NSD1: variants seen among roughly 807,000 people sequenced by gnomAD.
NSD1 encodes the protein histone-lysine N-methyltransferase, H3 lysine-36 specific.
Under a neutral mutation model 242.7 loss-of-function variants are expected in NSD1, and 26 were observed. The ratio of observed to expected loss-of-function variants is 0.11; its 90% CI spans 0.08 to 0.15. The LOEUF (loss-of-function observed/expected upper bound fraction) is 0.15. NSD1 is among the 10% of genes least tolerant of loss of function. The pLI, the probability that NSD1 is intolerant of heterozygous loss-of-function variation, is 1.00. For missense variants in NSD1, 2,495 were observed against 3,272.8 expected (o/e 0.76, Z 5.80); for synonymous variants, 1,106 against 1,178.1 (o/e 0.94, Z 1.25).
Position 177,238,312 on chromosome 5 carries a change from A to G in NSD1, c.3997A>G (p.Asn1333Asp), listed in dbSNP as rs1765612663. Residue 1333 changes from asparagine to aspartate, a missense_variant, in exon 7 of 23, where the codon AAT (asparagine) becomes GAT (aspartate). This residue lies in a region of NSD1 where 100 missense variants were observed against 190.7 expected (regional missense o/e 0.52). Coordinates refer to ENST00000439151, the MANE Select transcript of NSD1 (RefSeq NM_022455.5). This position sits in a 1 kb window ranked among gnomAD's most constrained non-coding sequence, Gnocchi z 4.6. ...SSAQNKQVDE[N>D]SLISTKEEPP... is the part of the protein sequence containing the mutation. ...TGCTCAGAACAAGCAGGTGGACGAG[A>G]ATTCTTTGATTTCAACCAAAGAAGA... The G allele has an allele frequency of 1.9e-6, 3 of 1,614,106 alleles. No homozygotes were observed. The highest frequency in any genetic ancestry group is 2.5e-6 in the Non-Finnish European group (3 of 1,180,020).
At chr5:177,256,423 C>T (rs567910166) in intron 12 of NSD1, among the ~76,000 whole-genome samples, 18 of 152,080 alleles carry the variant, frequency 1.2e-4, no homozygotes, top group Admixed American at 1.0e-3. Flanking sequence ...GCTGGGACCA[C>T]AGGCATGCAT....
Position 177,204,310 on chromosome 5 carries a change from C to T in NSD1, c.1236+18C>T, listed in dbSNP as rs748352756. 25 of 1,609,006 alleles carry T rather than the reference C, an allele frequency of 1.6e-5. No individual in the cohort carries two copies. Among genetic ancestry groups the T allele is most frequent in the East Asian group, 2.2e-5 (1 of 44,850 alleles). On this transcript the variant is annotated intron_variant, in intron 4 of 22. Coordinates refer to ENST00000439151, the MANE Select transcript of NSD1 (RefSeq NM_022455.5). ...GGCATAAGGTAGGAAACGAAAAAGG[C>T]TTTTTATTGAGTGACAGAAGCAAGT...
intron 2 of NSD1, chr5:177,136,893 C>T (rs1443808131): frequency 1.4e-6 from 1 of 700,058 alleles, no homozygotes; most frequent in Non-Finnish European, 2.6e-6. Flanking sequence ...TGTCATGTTG[C>T]CCAGGCTGGC....
chr5:177,188,539 A>G (rs1423545781), intron 2 of NSD1, among the ~76,000 whole-genome samples: 2 of 152,210 alleles, frequency 1.3e-5, no homozygotes, highest in East Asian at 3.8e-4. Flanking sequence ...TGTGTTTCTC[A>G]ATGGCCTTGT....
intron 14 of NSD1, chr5:177,264,911 A>C (rs1349593794): frequency 1.6e-5 from 13 of 802,016 alleles, no homozygotes; most frequent in Non-Finnish European, 2.4e-5. Flanking sequence ...GGTACTCTTC[A>C]AAAAGGAATG....
intron 2 of NSD1, among the ~76,000 whole-genome samples, chr5:177,178,513 A>C (rs974877568): frequency 6.6e-6 from 1 of 152,242 alleles, no homozygotes; most frequent in Non-Finnish European, 1.5e-5. Context: ...GGCGTAAGCC[A>C]CCGCACCCGG....
At chr5:177,223,226 C>G (rs552644223) in intron 5 of NSD1, among the ~76,000 whole-genome samples, 1 of 151,906 alleles carries the variant, frequency 6.6e-6, no homozygotes, top group Non-Finnish European at 1.5e-5. Context: ...GGATTACAGG[C>G]ATGCGCCAGC....
intron 2 of NSD1, among the ~76,000 whole-genome samples, chr5:177,137,637 G>A (rs565246931): frequency 6.1e-4 from 93 of 152,214 alleles, no homozygotes; most frequent in Non-Finnish European, 8.5e-4. Flanking sequence ...TTGGGTTCAC[G>A]TTGAAATTTA....
At chr5:177,161,351 G>A (rs1183759792) in intron 2 of NSD1, among the ~76,000 whole-genome samples, 1 of 151,928 alleles carries the variant, frequency 6.6e-6, no homozygotes, top group Non-Finnish European at 1.5e-5. Flanking sequence ...CTCCAGCCTG[G>A]GTGACAGAGT....
intron 5 of NSD1, among the ~76,000 whole-genome samples, chr5:177,219,989 T>C (rs1480154499): frequency 6.6e-6 from 1 of 152,134 alleles, no homozygotes; most frequent in African/African-American, 2.4e-5. Context: ...TGTGACCATA[T>C]TGGAGAATAT....
At position 177,134,978 on chromosome 5, in the gene NSD1, T is replaced by TG; in HGVS notation, c.-17-108dup. 1 of 930,356 alleles carries TG rather than the reference T, an allele frequency of 1.1e-6. No homozygotes were observed. Among genetic ancestry groups the TG allele is most frequent in the Non-Finnish European group, 1.7e-6 (1 of 588,668 alleles). The allele number at this position is 930,356 out of a possible 1,614,324, so 57.6% of individuals were successfully genotyped here. A position where few individuals can be genotyped will look rare whatever the true frequency, so the allele number is the denominator to read the frequency against. On this transcript the variant is annotated intron_variant, in intron 1 of 22. Transcript: ENST00000439151. The surrounding 1 kb of genome is among the most constrained non-coding windows in gnomAD (Gnocchi z 4.2). Reference sequence around the variant, plus strand: ...GGGGAACTTTTTCTGCCCATGGAAGTGCAGCAGAAAGGCATAGAGGCCACT... The same window carrying TG: ...GGGGAACTTTTTCTGCCCATGGAAGTGGCAGCAGAAAGGCATAGAGGCCACT...
In NSD1 at chr5:177,295,163, T is replaced by C. The variant is rs1163634341; in HGVS notation, c.7795T>C (p.Ser2599Pro). ...TGCACTTGCCGCCAAGAGTGGGCAA[T>C]CTTTTAGGTCTCTCGGGAAGGCCCC... ...LPALAAKSGQ[S>P]FRSLGKAPAS... Residue 2599 changes from serine (S) to proline (P), a missense_variant, in exon 23 of 23, where the codon TCT (serine) becomes CCT (proline). Physicochemically the swap from Ser to Pro is moderately conservative, Grantham distance 74. This residue lies in a region of NSD1 where 475 missense variants were observed against 563.7 expected (regional missense o/e 0.84). Coordinates refer to ENST00000439151, the MANE Select transcript of NSD1 (RefSeq NM_022455.5). This position sits in a 1 kb window ranked among gnomAD's most constrained non-coding sequence, Gnocchi z 4.3. 6.2e-7 allele frequency: 1 copy of C among 1,614,160 alleles called. No individual in the cohort carries two copies. The highest frequency in any genetic ancestry group is 8.5e-7 in the Non-Finnish European group (1 of 1,180,024).
At position 177,257,756 on chromosome 5, in the gene NSD1, C is replaced by A. The variant is rs189841329; in HGVS notation, c.4966+605C>A. ...AGATGTAGTTTGAGAAAGTGTTCTG[C>A]TGCATGTCCTCTTCCCCCTATTGAT... is the stretch of plus-strand genomic sequence containing the variant. On this transcript the variant is annotated intron_variant, in intron 13 of 22. Transcript: ENST00000439151. 2.6e-5 allele frequency among the ~76,000 whole-genome samples: 4 copies of A among 152,082 alleles called. No homozygotes were observed. In the East Asian group the frequency reaches 7.7e-4, roughly 29 times the overall value.
intron 5 of NSD1, among the ~76,000 whole-genome samples, chr5:177,227,983 A>C (rs1006803988): frequency 6.8e-6 from 1 of 146,768 alleles, no homozygotes; most frequent in Non-Finnish European, 1.5e-5. Context: ...TTTGTAATTT[A>C]TTTTTTTTTG....
intron 3 of NSD1, 124 bp from the exon 4 acceptor site, chr5:177,203,996 A>G: frequency 1.1e-6 from 1 of 914,722 alleles, no homozygotes; most frequent in African/African-American, 1.6e-5. Context: ...TAGGTTGTCT[A>G]GTTCAGTGGG....
intron 2 of NSD1, among the ~76,000 whole-genome samples, chr5:177,142,704 C>T (rs1756926257): frequency 6.6e-6 from 1 of 152,152 alleles, no homozygotes; most frequent in Admixed American, 6.6e-5. Context: ...TTTTCTATGA[C>T]ATCTTTATTG....
intron 6 of NSD1, among the ~76,000 whole-genome samples, chr5:177,237,722 A>T (rs1765566664): frequency 6.6e-6 from 1 of 151,826 alleles, no homozygotes; most frequent in African/African-American, 2.4e-5. Context: ...TTAGGTAGAG[A>T]CAGGGTTTCA....
At chr5:177,265,278 A>T (rs1228449562) in intron 14 of NSD1, 4 of 281,274 alleles carry the variant, frequency 1.4e-5, no homozygotes, top group South Asian at 5.0e-5. Context: ...CTGGACTGTT[A>T]AAAAAAAAAA....
intron 2 of NSD1, among the ~76,000 whole-genome samples, chr5:177,169,038 G>A (rs1391815847): frequency 6.6e-6 from 1 of 152,156 alleles, no homozygotes; most frequent in East Asian, 1.9e-4. Context: ...ACCAATGCCG[G>A]CTGCAGGCAC....
Sources: allele counts gnomAD v4.1 joint callset (sites outside exome capture counted in the v4.1 genomes callset), GRCh38; gene constraint gnomAD v4.1.1; regional missense constraint gnomAD v4.1.1; non-coding constraint Gnocchi (gnomAD v3.1); transcripts MANE v1.5; gene names NCBI Gene and HGNC (gene_info 2026-07-23, HGNC 2026-07-21).